ZBTB41: variants seen among roughly 807,000 people sequenced by gnomAD.
ZBTB41 encodes the protein zinc finger and BTB domain-containing protein 41.
In ZBTB41, 42 loss-of-function variants were observed where a neutral mutation model predicts 87.6. The ratio of observed to expected loss-of-function variants is 0.48; its 90% CI spans 0.37 to 0.62. ZBTB41 has a LOEUF of 0.62. ZBTB41 is among the 20% of genes least tolerant of loss of function. The pLI is 0.00. For missense variants in ZBTB41, 799 were observed against 1,078.9 expected, an observed-to-expected ratio of 0.74 and a Z score of 3.63; for synonymous variants, 364 against 364.0, an observed-to-expected ratio of 1.00 and a Z score of 0.00.
chr1:197,163,839 G>A (rs1285064312), intron 10 of ZBTB41, among the ~76,000 whole-genome samples: 1 of 151,858 alleles, frequency 6.6e-6, no homozygotes, highest in Non-Finnish European at 1.5e-5. Flanking sequence ...TATCTAAAGT[G>A]CCAAATGAAA....
chr1:197,196,230 A>T (rs918924971), intron 2 of ZBTB41, among the ~76,000 whole-genome samples: 2 of 152,226 alleles, frequency 1.3e-5, no homozygotes, highest in Admixed American at 1.3e-4. Context: ...TGATATGAGA[A>T]TAATGGGAAG....
At position 197,200,180 on chromosome 1, in the gene ZBTB41, T is replaced by C; in HGVS notation, c.294A>G (p.Glu98=). 6.2e-7 allele frequency: 1 copy of C among 1,613,970 alleles called. No homozygotes were observed. Among genetic ancestry groups the C allele is most frequent in the Non-Finnish European group, 8.5e-7 (1 of 1,180,018 alleles). Residue 98 remains glutamate (E), a synonymous_variant, in exon 2 of 11, where the codon GAA becomes GAG. Transcript: ENST00000367405. ...CDLLIIVEGK[E]FSAHKVVVAV... ...CAACGACTACTTTATGTGCACTAAATTCTTTTCCTTCCACTATGATAAGTA... is the reference window on the plus strand; with the variant it reads ...CAACGACTACTTTATGTGCACTAAACTCTTTTCCTTCCACTATGATAAGTA...
chr1:197,166,801 C>T (rs1262752481), intron 10 of ZBTB41, among the ~76,000 whole-genome samples: 4 of 152,026 alleles, frequency 2.6e-5, no homozygotes, highest in East Asian at 3.9e-4. Flanking sequence ...GAGCCAAGAT[C>T]GTGCTATTGC....
chr1:197,195,378 A>G (rs1370981925), intron 2 of ZBTB41, among the ~76,000 whole-genome samples: 1 of 152,182 alleles, frequency 6.6e-6, no homozygotes, highest in Non-Finnish European at 1.5e-5. Flanking sequence ...AAAATTACCA[A>G]TGTTAGATTT....
chr1:197,159,316 T>A lies in ZBTB41; in HGVS notation c.*43A>T. On this transcript the variant is annotated 3_prime_UTR_variant, in exon 11 of 11. Coordinates refer to ENST00000367405, the MANE Select transcript of ZBTB41 (RefSeq NM_194314.3). Reference sequence around the variant, plus strand: ...ATTTAAAAGCTATCATCTCTACCATTAGCATATAACCATCCAAAAATCTGT... The same window carrying A: ...ATTTAAAAGCTATCATCTCTACCATAAGCATATAACCATCCAAAAATCTGT... The A allele has an allele frequency of 6.3e-7, 1 of 1,581,228 alleles. No homozygotes were observed. The highest frequency in any genetic ancestry group is 8.7e-7 in the Non-Finnish European group (1 of 1,155,082).
chr1:197,176,151 C>T (rs1659601518), intron 8 of ZBTB41: 1 of 165,104 alleles, frequency 6.1e-6, no homozygotes, highest in East Asian at 1.9e-4. Context: ...ACTTTTAGCA[C>T]CTAATTTTAA....
At chr1:197,180,918 A>T in intron 6 of ZBTB41, 70 bp downstream of exon 6, 1 of 1,495,412 alleles carries the variant, frequency 6.7e-7, no homozygotes. Flanking sequence ...TAATTCCTAT[A>T]AATCATATTG....
chr1:197,191,957 AT>A, intron 2 of ZBTB41, 58 bp from the exon 3 acceptor site: 1 of 1,383,572 alleles, frequency 7.2e-7, no homozygotes, highest in Non-Finnish European at 9.7e-7. Context: ...TGTGATTGGA[AT>A]TTGAGAGTGG....
At chr1:197,179,397 G>T (rs940057210) in intron 6 of ZBTB41, among the ~76,000 whole-genome samples, 1 of 151,942 alleles carries the variant, frequency 6.6e-6, no homozygotes, top group Non-Finnish European at 1.5e-5. Flanking sequence ...ATTGCCAACT[G>T]TATATAGGCA....
intron 3 of ZBTB41, 115 bp from the exon 4 acceptor site, chr1:197,190,946 G>A (rs1660010884): frequency 1.6e-6 from 1 of 611,430 alleles, no homozygotes; most frequent in Non-Finnish European, 2.8e-6. Flanking sequence ...CTTTCATAAT[G>A]AGACAAGTAG....
chr1:197,172,975 A>C (rs1659516009), intron 9 of ZBTB41, among the ~76,000 whole-genome samples: 1 of 152,130 alleles, frequency 6.6e-6, no homozygotes, highest in African/African-American at 2.4e-5. Context: ...TAAAGCAATA[A>C]GTTACCGAAA....
chr1:197,154,311 A>G lies in ZBTB41; in HGVS notation c.*5048T>C, dbSNP rs1043878370. The G allele has an allele frequency of 1.3e-5, 2 of 152,366 alleles. No individual in the cohort carries two copies. The highest frequency in any genetic ancestry group is 2.4e-5 in the African/African-American group (1 of 41,444). The allele number at this position is 152,366 out of a possible 1,614,324, so 9.4% of individuals were successfully genotyped here. On this transcript the variant is annotated 3_prime_UTR_variant, in exon 11 of 11. Transcript: ENST00000367405. ...TTTCTTTACCTAAGAATTTGACCAA[A>G]CAAGGTTATATTCTTTGTATAACCT...
At position 197,164,349 on chromosome 1, in the gene ZBTB41, A is replaced by G. The variant is rs1186786727; in HGVS notation, c.2075-4335T>C. On this transcript the variant is annotated intron_variant, in intron 10 of 10. Coordinates refer to ENST00000367405, the MANE Select transcript of ZBTB41 (RefSeq NM_194314.3). ...TAATGATTATAAACAAAGTGAAGAC[A>G]AGAGAAAAAAGCATCAAGGAATCAA... is the stretch of plus-strand genomic sequence containing the variant. 1.3e-5 allele frequency among the ~76,000 whole-genome samples: 2 copies of G among 152,022 alleles called. 1 individual carries two copies. The highest frequency in any genetic ancestry group is 2.9e-5 in the Non-Finnish European group (2 of 67,914).
At position 197,199,738 on chromosome 1, in the gene ZBTB41, T is replaced by A; in HGVS notation, c.736A>T (p.Arg246Ter). 1 of 1,613,434 alleles carries A rather than the reference T, an allele frequency of 6.2e-7. No individual in the cohort carries two copies. The highest frequency in any genetic ancestry group is 1.7e-5 in the Admixed American group (1 of 59,848). ...TTTGATCTTCTTGCGGAGAAACTTC[T>A]CTCCAGCATTTTTAACCCATGTTTT... is the stretch of plus-strand genomic sequence containing the variant. ...GKKHGLKMLERSFSARRSKRN... is the reference protein window; with the variant it reads ...GKKHGLKMLE The change falls in exon 2 of 11, where the codon AGA becomes TGA. Residue 246 changes from arginine to a stop codon, truncating the protein, a stop_gained. Coordinates refer to ENST00000367405, the MANE Select transcript of ZBTB41 (RefSeq NM_194314.3). LOFTEE classifies it high-confidence loss of function.
chr1:197,159,721 C>T lies in ZBTB41; in HGVS notation c.2368G>A (p.Val790Ile), dbSNP rs1659154812. Residue 790 changes from valine (V) to isoleucine (I), a missense_variant, in exon 11 of 11, where the codon GTT becomes ATT. This residue lies in a region of ZBTB41 where 171 missense variants were observed against 191.9 expected (regional missense o/e 0.89). Transcript: ENST00000367405. ...ETKQYMDQPK[V>I]YQSEAKTMLQ... The stretch of plus-strand genomic sequence containing the variant: ...ATCGTCTTGGCTTCCGACTGATAAA[C>T]TTTGGGCTGGTCCATATATTGTTTT... The T allele has an allele frequency of 6.2e-7, 1 of 1,613,886 alleles. No individual in the cohort carries two copies. Among genetic ancestry groups the T allele is most frequent in the Non-Finnish European group, 8.5e-7 (1 of 1,179,918 alleles).
Position 197,199,858 on chromosome 1 carries a change from T to A in ZBTB41, c.616A>T (p.Asn206Tyr), listed in dbSNP as rs777393472. Residue 206 changes from asparagine (N) to tyrosine (Y), a missense_variant, in exon 2 of 11, where the codon AAT (asparagine) becomes TAT (tyrosine). By Grantham distance (143) the Asn-to-Tyr change is moderately radical. This residue lies in a region of ZBTB41 where 294 missense variants were observed against 340.1 expected (regional missense o/e 0.86). Coordinates refer to ENST00000367405, the MANE Select transcript of ZBTB41 (RefSeq NM_194314.3). ...CTACTACAGAATTTGCACTGATGATTATTTGATAGTCTTCCAGTTAATTCA... is the reference window on the plus strand; with the variant it reads ...CTACTACAGAATTTGCACTGATGATAATTTGATAGTCTTCCAGTTAATTCA... ...LNELTGRLSN[N>Y]HQCKFCSRHF... 1.9e-6 allele frequency: 3 copies of A among 1,609,654 alleles called. No homozygotes were observed.
In ZBTB41 at chr1:197,157,726, T is replaced by A. The variant is rs917254617; in HGVS notation, c.*1633A>T. On this transcript the variant is annotated 3_prime_UTR_variant, in exon 11 of 11. Transcript: ENST00000367405. Reference sequence around the variant, plus strand: ...TTTGGTTAACTGCCTCAGTTTTCAATATTTCTTTTGTTTTACCTCCGCTAG... The same window carrying A: ...TTTGGTTAACTGCCTCAGTTTTCAAAATTTCTTTTGTTTTACCTCCGCTAG... The A allele has an allele frequency of 6.6e-6, 1 of 152,406 alleles. No homozygotes were observed. The highest frequency in any genetic ancestry group is 2.4e-5 in the African/African-American group (1 of 41,448). The allele number at this position is 152,406 out of a possible 1,614,324, so 9.4% of individuals were successfully genotyped here.
intron 9 of ZBTB41, among the ~76,000 whole-genome samples, chr1:197,173,893 G>T (rs1325218958): frequency 3.3e-5 from 5 of 152,012 alleles, no homozygotes; most frequent in African/African-American, 1.2e-4. Context: ...CACATCTGGG[G>T]ATACGATAAT....
chr1:197,160,108 G>T, intron 10 of ZBTB41, 94 bp from the exon 11 acceptor site: 1 of 920,198 alleles, frequency 1.1e-6, no homozygotes, highest in Non-Finnish European at 1.6e-6. Flanking sequence ...GTGAATACTT[G>T]CCAGAACTTG....
Sources: allele counts gnomAD v4.1 joint callset (sites outside exome capture counted in the v4.1 genomes callset), GRCh38; gene constraint gnomAD v4.1.1; regional missense constraint gnomAD v4.1.1; transcripts MANE v1.5; gene names NCBI Gene and HGNC (gene_info 2026-07-23, HGNC 2026-07-21).